The following NKAIN2 variants were observed in gnomAD, a reference collection of about 807,000 sequenced individuals.
NKAIN2 encodes the protein sodium/potassium-transporting ATPase subunit beta-1-interacting protein 2.
A neutral mutation model predicts 32.6 loss-of-function variants in NKAIN2; 14 were observed. That is an observed-to-expected ratio of 0.43 (90% CI 0.28 to 0.67). The LOEUF (loss-of-function observed/expected upper bound fraction) is 0.67, where lower values mean the gene tolerates loss of function less well. Among genes scored for constraint, NKAIN2 ranks in the 30% least tolerant of loss-of-function variants. The pLI, the probability that NKAIN2 is intolerant of heterozygous loss-of-function variation, is 0.17. For synonymous variants in NKAIN2, 80 were observed against 87.2 expected (o/e 0.92, Z 0.46); for missense variants, 198 against 258.3 (o/e 0.77, Z 1.60).
intron 1 of NKAIN2, among the ~76,000 whole-genome samples, chr6:124,146,212 G>A (rs1163493428): frequency 3.3e-5 from 5 of 151,724 alleles, no homozygotes; most frequent in Admixed American, 6.6e-5. Flanking sequence ...ACATTTGCAA[G>A]ATTTACATTA....
At chr6:124,078,809 TG>T (rs1783820407) in intron 1 of NKAIN2, among the ~76,000 whole-genome samples, 2 of 151,726 alleles carry the variant, frequency 1.3e-5, no homozygotes, top group Non-Finnish European at 2.9e-5. Context: ...TGTGTGTGTG[TG>T]TGTGTGTGTG....
chr6:123,822,381 A>G (rs1582593519), intron 1 of NKAIN2, among the ~76,000 whole-genome samples: 1 of 152,312 alleles, frequency 6.6e-6, no homozygotes, highest in East Asian at 1.9e-4. Flanking sequence ...CAGTTGGTTA[A>G]TAAATATTTA....
chr6:124,614,972 C>T (rs986397658), intron 3 of NKAIN2, among the ~76,000 whole-genome samples: 1 of 152,196 alleles, frequency 6.6e-6, no homozygotes, highest in African/African-American at 2.4e-5. Context: ...CAGTTGTTTA[C>T]GGTGCTGAAC....
At chr6:124,134,759 T>C (rs1042753820) in intron 1 of NKAIN2, among the ~76,000 whole-genome samples, 1 of 152,144 alleles carries the variant, frequency 6.6e-6, no homozygotes, top group African/African-American at 2.4e-5. Flanking sequence ...GCTTTGCTAG[T>C]GATCTAGATA....
At position 124,658,459 on chromosome 6, in the gene NKAIN2, A is replaced by G. The variant is rs560091019; in HGVS notation, c.474+73A>G. ...TTATTTCTGTGCGAACTCAGTGCAC[A>G]CAAATGGAATCTGTGGGTAAAGTGT... On this transcript the variant is annotated intron_variant, in intron 4 of 6. Coordinates refer to ENST00000368417, the MANE Select transcript of NKAIN2 (RefSeq NM_001040214.3). The G allele has an allele frequency of 1.9e-6, 3 of 1,608,438 alleles. No homozygotes were observed. The South Asian group carries it at 3.3e-5, about 18-fold the overall frequency.
Position 123,932,727 on chromosome 6 carries a change from G to T in NKAIN2, c.54+128473G>T, listed in dbSNP as rs192670347. Reference sequence around the variant, plus strand: ...CCACCGCGCCCAGCCTTTCTTTCTTGATAGCATTGTTAGCCAGTCATCGAG... The same window carrying T: ...CCACCGCGCCCAGCCTTTCTTTCTTTATAGCATTGTTAGCCAGTCATCGAG... On this transcript the variant is annotated intron_variant, in intron 1 of 6. Transcript: ENST00000368417. Among the ~76,000 whole-genome samples, 992 of 150,122 alleles carry T rather than the reference G, an allele frequency of 6.6e-3. 11 individuals carry two copies. Among genetic ancestry groups the T allele is most frequent in the Admixed American group, 0.017 (255 of 15,132 alleles).
rs190757988 is a variant in NKAIN2, at chr6:123,867,635, A to G, written c.54+63381A>G. On this transcript the variant is annotated intron_variant, in intron 1 of 6. Coordinates refer to ENST00000368417, the MANE Select transcript of NKAIN2 (RefSeq NM_001040214.3). The stretch of plus-strand genomic sequence containing the variant: ...ATATGTGGTTTCCATGCTGTTTTAT[A>G]CTATTTCAAAATGTGTGTCTTTGCA... Among the ~76,000 whole-genome samples, 23 of 152,340 alleles carry G rather than the reference A, an allele frequency of 1.5e-4. No individual in the cohort carries two copies. The East Asian group carries it at 4.0e-3, about 27-fold the overall frequency.
intron 4 of NKAIN2, among the ~76,000 whole-genome samples, chr6:124,736,134 T>C (rs1436529223): frequency 6.6e-6 from 1 of 151,812 alleles, no homozygotes; most frequent in Non-Finnish European, 1.5e-5. Context: ...AACATATAAA[T>C]GATAAGAAAG....
chr6:124,668,462 T>G (rs753063034), intron 4 of NKAIN2, among the ~76,000 whole-genome samples: 1 of 152,042 alleles, frequency 6.6e-6, no homozygotes, highest in Non-Finnish European at 1.5e-5. Flanking sequence ...CACGACCTAG[T>G]GTCTTCTAGC....
chr6:124,571,794 C>A (rs1377843503), intron 3 of NKAIN2, among the ~76,000 whole-genome samples: 1 of 152,184 alleles, frequency 6.6e-6, no homozygotes, highest in Non-Finnish European at 1.5e-5. Flanking sequence ...ATTCTCTCTC[C>A]TTTGGCTTCT....
intron 3 of NKAIN2, among the ~76,000 whole-genome samples, chr6:124,586,385 G>T (rs892769851): frequency 3.3e-5 from 5 of 152,136 alleles, no homozygotes; most frequent in African/African-American, 9.7e-5. Context: ...ATAACTGAGA[G>T]CTCAACATAG....
chr6:124,308,213 C>T (rs1256828133), intron 2 of NKAIN2, among the ~76,000 whole-genome samples: 2 of 149,954 alleles, frequency 1.3e-5, no homozygotes, highest in African/African-American at 5.0e-5. Context: ...CATTTTTCAA[C>T]TTCCACTTAC....
At chr6:123,868,077 C>T (rs1482819198) in intron 1 of NKAIN2, among the ~76,000 whole-genome samples, 1 of 152,014 alleles carries the variant, frequency 6.6e-6, no homozygotes, top group Non-Finnish European at 1.5e-5. Context: ...ACTGTGTTAG[C>T]CAGGATGGTC....
At chr6:124,731,038 A>G (rs1377562244) in intron 4 of NKAIN2, among the ~76,000 whole-genome samples, 1 of 145,368 alleles carries the variant, frequency 6.9e-6, no homozygotes, top group Admixed American at 7.1e-5. Context: ...GTAGAATGGC[A>G]ATCATTAAAA....
chr6:124,317,161 G>A (rs915180592), intron 2 of NKAIN2, among the ~76,000 whole-genome samples: 4 of 152,046 alleles, frequency 2.6e-5, no homozygotes, highest in African/African-American at 9.7e-5. Context: ...CTACTGCTGG[G>A]CTCTTGAGAT....
intron 3 of NKAIN2, among the ~76,000 whole-genome samples, chr6:124,361,513 G>A (rs1799287948): frequency 1.3e-5 from 2 of 152,012 alleles, no homozygotes; most frequent in South Asian, 4.1e-4. Context: ...TTTGGGACTA[G>A]GGATGCAGGT....
intron 3 of NKAIN2, among the ~76,000 whole-genome samples, chr6:124,465,000 G>A (rs1473612231): frequency 2.0e-5 from 3 of 152,114 alleles, no homozygotes; most frequent in South Asian, 4.2e-4. Flanking sequence ...CTATCCATGA[G>A]CGTGTACTGT....
chr6:124,571,473 T>C (rs561536097), intron 3 of NKAIN2, among the ~76,000 whole-genome samples: 3 of 152,282 alleles, frequency 2.0e-5, no homozygotes, highest in Admixed American at 6.5e-5. Flanking sequence ...GTCTGTCCCC[T>C]GTTTTCATGA....
At chr6:124,658,451 C>T (rs528352020) in intron 4 of NKAIN2, 65 bp downstream of exon 4, 47 of 1,611,102 alleles carry the variant, frequency 2.9e-5, no homozygotes, top group Non-Finnish European at 3.5e-5. Flanking sequence ...TGTGCGAACT[C>T]AGTGCACACA....
Sources: allele counts gnomAD v4.1 joint callset (sites outside exome capture counted in the v4.1 genomes callset), GRCh38; gene constraint gnomAD v4.1.1; transcripts MANE v1.5; gene names NCBI Gene and HGNC (gene_info 2026-07-23, HGNC 2026-07-21).